Variants in RNF212B observed in about 807,000 individuals in gnomAD.
The protein encoded by RNF212B is E3 ubiquitin-protein ligase RNF212B.
Under a neutral mutation model 55.5 loss-of-function variants are expected in RNF212B, and 52 were observed. That is an observed-to-expected ratio of 0.94 (90% confidence interval 0.75 to 1.18). RNF212B has a LOEUF of 1.18. Ranked by LOEUF, RNF212B falls within the 50% of genes most tolerant of loss-of-function variation. RNF212B has a pLI of 0.00. For missense variants in RNF212B, 289 were observed against 350.4 expected (o/e 0.82, Z 1.40); for synonymous variants, 99 against 121.4 (o/e 0.82, Z 1.21).
At chr14:23,191,738 T>G (rs1163374102) in intron 1 of RNF212B, among the ~76,000 whole-genome samples, 1 of 152,234 alleles carries the variant, frequency 6.6e-6, no homozygotes, top group Non-Finnish European at 1.5e-5. Context: ...CTTTTGTATA[T>G]GTTTAAATTT....
At chr14:23,266,691 G>A (rs113536128) in intron 11 of RNF212B, among the ~76,000 whole-genome samples, 25,136 of 151,800 alleles carry the variant, frequency 0.17, 2,473 homozygotes, top group South Asian at 0.26. Flanking sequence ...GATTACAGGC[G>A]TGAGCCACCA....
chr14:23,267,468 G>A (rs772935320), intron 11 of RNF212B, among the ~76,000 whole-genome samples: 11 of 150,426 alleles, frequency 7.3e-5, no homozygotes, highest in East Asian at 3.9e-4. Context: ...TCTCACTCTC[G>A]TCTTGGCTAG....
Position 23,258,338 on chromosome 14 carries a change from C to CAAAAA in RNF212B, c.229-197_229-193dup, listed in dbSNP as rs1213381274. The stretch of plus-strand genomic sequence containing the variant: ...GGGCAACAATAGCGAAACTCTGTCT[C>CAAAAA]AAAAAAAAAAAAAAAAAAGACAGTA... On this transcript the variant is annotated intron_variant, in intron 4 of 14. Transcript: ENST00000430154. 7 of 152,568 alleles carry CAAAAA rather than the reference C, an allele frequency of 4.6e-5. 1 individual carries two copies. The highest frequency in any genetic ancestry group is 1.2e-4 in the African/African-American group (4 of 33,104). The allele number at this position is 152,568 out of a possible 1,614,324, so 9.5% of individuals were successfully genotyped here. A position where few individuals can be genotyped will look rare whatever the true frequency, so the allele number is the denominator to read the frequency against.
intron 2 of RNF212B, among the ~76,000 whole-genome samples, chr14:23,221,060 G>A (rs764881502): frequency 9.9e-5 from 15 of 151,722 alleles, no homozygotes; most frequent in Non-Finnish European, 2.2e-4. Context: ...CTGAATGGAT[G>A]AAAAAAAGAC....
At chr14:23,191,553 A>G (rs1878126583) in intron 1 of RNF212B, among the ~76,000 whole-genome samples, 1 of 152,122 alleles carries the variant, frequency 6.6e-6, no homozygotes, top group Non-Finnish European at 1.5e-5. Context: ...ATTGTTAAAA[A>G]GTTTTATCTT....
upstream of RNF212B, among the ~76,000 whole-genome samples, chr14:23,233,327 T>C (rs1177425990): frequency 1.3e-5 from 2 of 151,888 alleles, no homozygotes; most frequent in African/African-American, 4.8e-5. Flanking sequence ...ACATGTTTAT[T>C]GGCTGACCTT....
At chr14:23,195,273 A>G (rs1878542380) in intron 2 of RNF212B, among the ~76,000 whole-genome samples, 1 of 152,094 alleles carries the variant, frequency 6.6e-6, no homozygotes, top group Admixed American at 6.5e-5. Flanking sequence ...AAAGAAAAAA[A>G]AAAAACCCAT....
chr14:23,219,806 A>G (rs888362940), intron 2 of RNF212B, among the ~76,000 whole-genome samples: 1 of 152,016 alleles, frequency 6.6e-6, no homozygotes, highest in Non-Finnish European at 1.5e-5. Flanking sequence ...TTGTTTGTAT[A>G]TGCAATCAGT....
Position 23,211,087 on chromosome 14 carries a change from G to A in RNF212B, c.-2+17686G>A, listed in dbSNP as rs185857221. On this transcript the variant is annotated intron_variant, in intron 2 of 15. Transcript: ENST00000399910. ...AAAAAAATTAGCTGGTCGTGATGGC[G>A]TACGCCTGTAATCCCAGCTACCTGG... is the stretch of plus-strand genomic sequence containing the variant. Among the ~76,000 whole-genome samples, 492 of 152,012 alleles carry A rather than the reference G, an allele frequency of 3.2e-3. 2 individuals are homozygous for A. Among genetic ancestry groups the A allele is most frequent in the Non-Finnish European group, 5.3e-3 (357 of 67,968 alleles).
At chr14:23,212,129 G>C (rs1880581655) in intron 2 of RNF212B, among the ~76,000 whole-genome samples, 1 of 152,118 alleles carries the variant, frequency 6.6e-6, no homozygotes, top group Non-Finnish European at 1.5e-5. Context: ...AAATAGAAGG[G>C]AACATCCTTG....
chr14:23,217,111 A>G (rs1435662370), intron 2 of RNF212B, among the ~76,000 whole-genome samples: 5 of 151,980 alleles, frequency 3.3e-5, no homozygotes, highest in Non-Finnish European at 7.4e-5. Context: ...TATGGACCAG[A>G]GTGGAGCCCC....
At chr14:23,200,291 C>T (rs2140367897) in intron 2 of RNF212B, among the ~76,000 whole-genome samples, 1 of 151,794 alleles carries the variant, frequency 6.6e-6, no homozygotes, top group South Asian at 2.1e-4. Context: ...GAATTTGTGC[C>T]ATCAAATACC....
chr14:23,215,754 G>T (rs1881002098), intron 2 of RNF212B, among the ~76,000 whole-genome samples: 1 of 152,130 alleles, frequency 6.6e-6, no homozygotes, highest in African/African-American at 2.4e-5. Context: ...GAAAGGAAAT[G>T]ATAAACGAAA....
intron 11 of RNF212B, among the ~76,000 whole-genome samples, chr14:23,267,514 C>T (rs1885791675): frequency 6.6e-6 from 1 of 152,054 alleles, no homozygotes; most frequent in Non-Finnish European, 1.5e-5. Flanking sequence ...CTGCAACCTC[C>T]TCCTCCTGGC....
rs1417183904 is a variant in RNF212B, at chr14:23,243,719, AG to A, written c.153+412del. On this transcript the variant is annotated intron_variant, in intron 3 of 14. Coordinates refer to ENST00000430154, the MANE Select transcript of RNF212B (RefSeq NM_001282322.3). ...CAAAAAAAAAAAAAAAAAAAAAAAA[AG>A]CAAGCAAGCAAGCAAGCAAGCAAGC... 2.4e-3 allele frequency among the ~76,000 whole-genome samples: 231 copies of A among 96,734 alleles called. 16 individuals are homozygous for A. Among genetic ancestry groups the A allele is most frequent in the African/African-American group, 5.3e-3 (122 of 22,960 alleles). 63.5% of individuals were successfully genotyped at this position (96,734 alleles called of 152,430 possible).
chr14:23,232,125 C>T (rs1882679367), intron 2 of RNF212B, among the ~76,000 whole-genome samples: 1 of 150,742 alleles, frequency 6.6e-6, no homozygotes, highest in Non-Finnish European at 1.5e-5. Context: ...TGTGAGGAGC[C>T]CCTCTGCCCG....
At chr14:23,236,811 T>G (rs1883136275), upstream of RNF212B, among the ~76,000 whole-genome samples, 2 of 151,768 alleles carry the variant, frequency 1.3e-5, no homozygotes, top group Non-Finnish European at 2.9e-5. Context: ...TTTGCATGCT[T>G]TTTGCCAGTG....
chr14:23,212,130 A>G (rs1376992097), intron 2 of RNF212B, among the ~76,000 whole-genome samples: 1 of 152,236 alleles, frequency 6.6e-6, no homozygotes, highest in Non-Finnish European at 1.5e-5. Flanking sequence ...AATAGAAGGG[A>G]ACATCCTTGA....
At chr14:23,190,680 C>T (rs1566383876) in intron 1 of RNF212B, among the ~76,000 whole-genome samples, 1 of 152,148 alleles carries the variant, frequency 6.6e-6, no homozygotes, top group East Asian at 1.9e-4. Context: ...CATGTTTCTC[C>T]TACAAATGTT....
Sources: gnomAD v4.1 joint callset for allele counts (sites outside exome capture counted in the v4.1 genomes callset) on GRCh38, gnomAD v4.1.1 for gene constraint, MANE v1.5 for transcripts, NCBI Gene and HGNC (gene_info 2026-07-23, HGNC 2026-07-21) for gene names.